The following CACNG2 variants were observed in gnomAD, a reference collection of about 807,000 sequenced individuals.
CACNG2 encodes the protein calcium voltage-gated channel auxiliary subunit gamma 2, also known as voltage-dependent calcium channel gamma-2 subunit.
A neutral mutation model predicts 25.9 loss-of-function variants in CACNG2; 3 were observed. That is an observed-to-expected ratio of 0.12 (90% CI 0.05 to 0.30). The LOEUF (loss-of-function observed/expected upper bound fraction) is 0.30. Ranked by LOEUF, CACNG2 falls within the 10% of genes least tolerant of loss-of-function variation. CACNG2 has a pLI of 1.00. For synonymous variants in CACNG2, 167 were observed against 173.3 expected (o/e 0.96, Z 0.29); for missense variants, 341 against 432.5 (o/e 0.79, Z 1.88).
At chr22:36,568,985 A>C (rs1935178455) in intron 2 of CACNG2, among the ~76,000 whole-genome samples, 1 of 152,064 alleles carries the variant, frequency 6.6e-6, no homozygotes, top group Admixed American at 6.5e-5. Flanking sequence ...TCTCCTTGCA[A>C]ATCATTGCTA....
chr22:36,668,894 G>A (rs1936910168), intron 1 of CACNG2, among the ~76,000 whole-genome samples: 1 of 152,180 alleles, frequency 6.6e-6, no homozygotes, highest in African/African-American at 2.4e-5. Context: ...CTCAAATGGA[G>A]AGGGTGAATT....
At chr22:36,589,951 T>C (rs1022102564) in intron 1 of CACNG2, among the ~76,000 whole-genome samples, 1 of 152,240 alleles carries the variant, frequency 6.6e-6, no homozygotes. Flanking sequence ...TTTCTTTCAA[T>C]TCAATCTGAC....
Position 36,628,896 on chromosome 22 carries a change from A to G in CACNG2, c.212-41348T>C, listed in dbSNP as rs537055958. On this transcript the variant is annotated intron_variant, in intron 1 of 3. Transcript: ENST00000300105. ...CTGTTTTATGGTGCACCTTCAATAA[A>G]AAAGATTTACAGGTAAGTCATTTTC... 1.6e-4 allele frequency among the ~76,000 whole-genome samples: 25 copies of G among 152,284 alleles called. No individual in the cohort carries two copies. The South Asian group carries it at 2.3e-3, about 14-fold the overall frequency.
At chr22:36,668,216 C>T (rs1346149418) in intron 1 of CACNG2, among the ~76,000 whole-genome samples, 7 of 152,250 alleles carry the variant, frequency 4.6e-5, no homozygotes, top group African/African-American at 4.8e-5. Context: ...TGATCATGCA[C>T]GGCCCGTGCC....
chr22:36,573,264 T>C (rs933053054), intron 2 of CACNG2, among the ~76,000 whole-genome samples: 3 of 152,236 alleles, frequency 2.0e-5, no homozygotes, highest in Non-Finnish European at 4.4e-5. Flanking sequence ...CAGCATATAA[T>C]AGTATGGCCT....
rs998023163 is a variant in CACNG2 at position 36,667,817 on chromosome 22, T to G, written c.211+34549A>C. On this transcript the variant is annotated intron_variant, in intron 1 of 3. Transcript: ENST00000300105. ...TTAAGTGTGCCTGACAGAGCTATGC[T>G]AATCAGTTCTCTTCTGGCCTAAATA... 6.6e-5 allele frequency among the ~76,000 whole-genome samples: 10 copies of G among 152,220 alleles called. No individual in the cohort carries two copies. The East Asian group carries it at 1.9e-3, about 29-fold the overall frequency.
intron 1 of CACNG2, among the ~76,000 whole-genome samples, chr22:36,655,705 TTC>T (rs1049778077): frequency 2.0e-5 from 3 of 148,490 alleles, no homozygotes; most frequent in South Asian, 2.1e-4. Flanking sequence ...CTTTCTTTCT[TTC>T]TCTTTCTCTT....
rs181711162 is a variant in CACNG2 at position 36,618,691 on chromosome 22, C to T, written c.212-31143G>A. On this transcript the variant is annotated intron_variant, in intron 1 of 3. Coordinates refer to ENST00000300105, the MANE Select transcript of CACNG2 (RefSeq NM_006078.5). ...ATCCCAGCACTTTGGGAGGCTGAGGCGAGCGGATCATGAGGTCAGGAGATT... is the reference window on the plus strand; with the variant it reads ...ATCCCAGCACTTTGGGAGGCTGAGGTGAGCGGATCATGAGGTCAGGAGATT... Among the ~76,000 whole-genome samples the T allele has an allele frequency of 3.8e-3, 576 of 152,222 alleles. 7 individuals are homozygous for T. Among genetic ancestry groups the T allele is most frequent in the African/African-American group, 0.013 (537 of 41,536 alleles).
intron 1 of CACNG2, among the ~76,000 whole-genome samples, chr22:36,590,755 T>C (rs1393319942): frequency 6.6e-6 from 1 of 152,172 alleles, no homozygotes; most frequent in Non-Finnish European, 1.5e-5. Flanking sequence ...TTCCCAGTGC[T>C]GTCGGGGAAA....
At chr22:36,571,371 C>T (rs577418363) in intron 2 of CACNG2, among the ~76,000 whole-genome samples, 23 of 152,050 alleles carry the variant, frequency 1.5e-4, no homozygotes, top group Non-Finnish European at 2.6e-4. Context: ...GCAGGAGAAC[C>T]GCTTGAACCC....
rs756872279 is a variant in CACNG2, at chr22:36,587,520, A to T, written c.240T>A (p.Ile80=). The T allele has an allele frequency of 3.7e-5, 60 of 1,613,662 alleles. No individual in the cohort carries two copies. Among genetic ancestry groups the T allele is most frequent in the Non-Finnish European group, 5.0e-5 (59 of 1,179,528 alleles). Residue 80 remains isoleucine (I), a synonymous_variant, in exon 2 of 4, where the codon ATT becomes ATA. Transcript: ENST00000300105. The part of the protein sequence containing the change: ...EGNFKGLCKQ[I]DHFPEDADYE... ...AATCTGCATCCTCTGGGAAGTGATC[A>T]ATTTGCTTGCACAGACCTTTGAAAT...
chr22:36,566,719 A>G (rs7284729), intron 2 of CACNG2, among the ~76,000 whole-genome samples: 3,778 of 152,256 alleles, frequency 0.025, 77 homozygotes, highest in African/African-American at 0.04. Flanking sequence ...ACTCCAGCAC[A>G]CCGTCAGGCA....
rs1233867000 is a variant in CACNG2 at position 36,563,218 on chromosome 22, A to C, written c.*1133T>G. Among the ~76,000 whole-genome samples the C allele has an allele frequency of 6.6e-6, 1 of 152,074 alleles. No homozygotes were observed. The highest frequency in any genetic ancestry group is 1.5e-5 in the Non-Finnish European group (1 of 67,994). On this transcript the variant is annotated 3_prime_UTR_variant, in exon 4 of 4. Coordinates refer to ENST00000300105, the MANE Select transcript of CACNG2 (RefSeq NM_006078.5). ...TGAACCCGCTGGGCCCCAAGGGGGC[A>C]TCAGTGAGTCCAAGGACCCCCAAAG...
intron 1 of CACNG2, among the ~76,000 whole-genome samples, chr22:36,635,755 C>T (rs1936347875): frequency 6.6e-6 from 1 of 152,172 alleles, no homozygotes; most frequent in South Asian, 2.1e-4. Flanking sequence ...GATCCACTCC[C>T]TTCTCCATGT....
At chr22:36,648,756 T>C (rs1042057809) in intron 1 of CACNG2, among the ~76,000 whole-genome samples, 1 of 152,194 alleles carries the variant, frequency 6.6e-6, no homozygotes, top group African/African-American at 2.4e-5. Flanking sequence ...AATGGGAACC[T>C]GGGAATCTTC....
At chr22:36,605,744 G>A (rs986918330) in intron 1 of CACNG2, among the ~76,000 whole-genome samples, 3 of 152,160 alleles carry the variant, frequency 2.0e-5, no homozygotes, top group Admixed American at 6.5e-5. Context: ...CCCCACGGTC[G>A]GGGCACAGAT....
intron 1 of CACNG2, among the ~76,000 whole-genome samples, chr22:36,655,423 T>C (rs1224176194): frequency 6.6e-6 from 1 of 152,166 alleles, no homozygotes; most frequent in Non-Finnish European, 1.5e-5. Context: ...CCTAGTTTCT[T>C]CATAGTTCTA....
Position 36,688,388 on chromosome 22 carries a change from A to T in CACNG2, c.211+13978T>A, listed in dbSNP as rs531565530. Among the ~76,000 whole-genome samples the T allele has an allele frequency of 2.6e-5, 4 of 152,060 alleles. No individual in the cohort carries two copies. In the East Asian group the frequency reaches 5.8e-4, roughly 22 times the overall value. ...AGCAAGGTCCCATCTCTTAAAAAAA[A>T]AATTAGCTCAGTGTGGTAGTGCACA... On this transcript the variant is annotated intron_variant, in intron 1 of 3. Transcript: ENST00000300105.
intron 1 of CACNG2, among the ~76,000 whole-genome samples, chr22:36,682,818 T>A (rs1937142830): frequency 6.6e-6 from 1 of 152,218 alleles, no homozygotes; most frequent in Non-Finnish European, 1.5e-5. Flanking sequence ...AAATCCAGAC[T>A]GACAATATTA....
Sources: allele counts gnomAD v4.1 joint callset (sites outside exome capture counted in the v4.1 genomes callset), GRCh38; gene constraint gnomAD v4.1.1; transcripts MANE v1.5; gene names NCBI Gene and HGNC (gene_info 2026-07-23, HGNC 2026-07-21).